Variants in SLC31A2 observed in about 807,000 individuals in gnomAD.
SLC31A2 encodes the protein protein SLC31A2.
SLC31A2 carries 16 observed loss-of-function variants against 14.4 expected under a neutral mutation model. The observed-to-expected ratio is 1.11, with a 90% CI of 0.75 to 1.69. The LOEUF is 1.69. Ranked by LOEUF, SLC31A2 falls within the 40% of genes most tolerant of loss-of-function variation. SLC31A2 has a pLI of 0.00. For synonymous variants in SLC31A2, 56 were observed against 68.7 expected (o/e 0.82, Z 0.91); for missense variants, 140 against 173.9 (o/e 0.81, Z 1.10).
chr9:113,161,729 A>T, intron 3 of SLC31A2, 31 bp downstream of exon 3: 1 of 1,608,706 alleles, frequency 6.2e-7, no homozygotes, highest in Non-Finnish European at 8.5e-7. Context: ...AAAGGGGCAG[A>T]AGCCTCACAT....
At chr9:113,155,786 AG>A (rs1462511601) in intron 1 of SLC31A2, among the ~76,000 whole-genome samples, 4 of 145,490 alleles carry the variant, frequency 2.7e-5, no homozygotes, top group Non-Finnish European at 6.1e-5. Flanking sequence ...TGGGAAAAAA[AG>A]GCACTGGGGT....
intron 3 of SLC31A2, chr9:113,162,510 G>T: frequency 2.7e-6 from 1 of 372,508 alleles, no homozygotes; most frequent in Non-Finnish European, 4.8e-6. Context: ...CCTTTGCCTA[G>T]GATGCCAGGA....
Position 113,162,548 on chromosome 9 carries a change from T to G in SLC31A2, c.264-201T>G, listed in dbSNP as rs899311097. 6 of 472,296 alleles carry G rather than the reference T, an allele frequency of 1.3e-5. No individual in the cohort carries two copies. The Admixed American group carries it at 1.6e-4, about 13-fold the overall frequency. 29.3% of individuals were successfully genotyped at this position (472,296 alleles called of 1,614,324 possible). On this transcript the variant is annotated intron_variant, in intron 3 of 3. Coordinates refer to ENST00000259392, the MANE Select transcript of SLC31A2 (RefSeq NM_001860.3). Reference sequence around the variant, plus strand: ...CTTGAAACCAAATGTAGTGAAGATATGTCTCTTTAAAAATAAATCTCGAGT... The same window carrying G: ...CTTGAAACCAAATGTAGTGAAGATAGGTCTCTTTAAAAATAAATCTCGAGT...
chr9:113,162,750 T>G lies in SLC31A2; in HGVS notation c.265T>G (p.Trp89Gly), dbSNP rs940959702. The G allele has an allele frequency of 1.2e-6, 2 of 1,610,504 alleles. No individual in the cohort carries two copies. Among genetic ancestry groups the G allele is most frequent in the Non-Finnish European group, 1.7e-6 (2 of 1,178,080 alleles). Residue 89 changes from tryptophan (W) to glycine (G), a missense_variant and splice_region_variant, in exon 4 of 4, where the codon TGG becomes GGG. Coordinates refer to ENST00000259392, the MANE Select transcript of SLC31A2 (RefSeq NM_001860.3). ...AACTTGCTTCTCCTTTTTATCTAGG[T>G]GGTATTTGTGTCACTTTGGCCAGTC... ...SFPVGRTHHR[W>G]YLCHFGQSLI...
At position 113,163,280 on chromosome 9, in the gene SLC31A2, G is replaced by T. The variant is rs1337991785; in HGVS notation, c.*363G>T. On this transcript the variant is annotated 3_prime_UTR_variant, in exon 4 of 4. Coordinates refer to ENST00000259392, the MANE Select transcript of SLC31A2 (RefSeq NM_001860.3). ...GCCAGGGAGAAGGGTTCTTGGTGAT[G>T]CAGGGCATGGAACCTGGACACCCTC... 1 of 163,856 alleles carries T rather than the reference G, an allele frequency of 6.1e-6. No individual in the cohort carries two copies. The highest frequency in any genetic ancestry group is 2.4e-5 in the African/African-American group (1 of 41,828). The allele number at this position is 163,856 out of a possible 1,614,324, so 10.2% of individuals were successfully genotyped here.
intron 1 of SLC31A2, among the ~76,000 whole-genome samples, chr9:113,154,697 T>C (rs1210177011): frequency 1.3e-5 from 2 of 152,216 alleles, no homozygotes; most frequent in Non-Finnish European, 2.9e-5. Context: ...CGGGACTGAC[T>C]CTGCCTCTGT....
chr9:113,157,882 C>A, intron 2 of SLC31A2, 89 bp downstream of exon 2: 1 of 969,404 alleles, frequency 1.0e-6, no homozygotes, highest in Non-Finnish European at 1.6e-6. Flanking sequence ...TCTCTGTGGG[C>A]ATTTAAGTGA....
At chr9:113,158,828 G>A (rs1313688907) in intron 2 of SLC31A2, among the ~76,000 whole-genome samples, 1 of 152,120 alleles carries the variant, frequency 6.6e-6, no homozygotes, top group African/African-American at 2.4e-5. Context: ...AAAGGAGAGG[G>A]AACAAACATG....
chr9:113,152,278 G>T (rs1420685211), intron 1 of SLC31A2: 2 of 152,290 alleles, frequency 1.3e-5, no homozygotes, highest in Non-Finnish European at 2.9e-5. Flanking sequence ...AAACAAGATT[G>T]GGGCCCTGCC....
At position 113,151,412 on chromosome 9, in the gene SLC31A2, G is replaced by A. The variant is rs1239357200; in HGVS notation, c.6+332G>A. On this transcript the variant is annotated intron_variant, in intron 1 of 3. Coordinates refer to ENST00000259392, the MANE Select transcript of SLC31A2 (RefSeq NM_001860.3). The surrounding 1 kb of genome is among the most constrained non-coding windows in gnomAD (Gnocchi z 4.2). Reference sequence around the variant, plus strand: ...GGCCCCCGGCCCCGGACCTCTGGCCGGCGCCCCAGGGCGGAGAGCAGCGCC... The same window carrying A: ...GGCCCCCGGCCCCGGACCTCTGGCCAGCGCCCCAGGGCGGAGAGCAGCGCC... Among the ~76,000 whole-genome samples, 5 of 151,882 alleles carry A rather than the reference G, an allele frequency of 3.3e-5. No homozygotes were observed. In the South Asian group the frequency reaches 6.3e-4, roughly 19 times the overall value.
Position 113,151,340 on chromosome 9 carries a change from C to T in SLC31A2, c.6+260C>T, listed in dbSNP as rs1187976127. On this transcript the variant is annotated intron_variant, in intron 1 of 3. Coordinates refer to ENST00000259392, the MANE Select transcript of SLC31A2 (RefSeq NM_001860.3). The surrounding 1 kb of genome is among the most constrained non-coding windows in gnomAD (Gnocchi z 4.2). ...AGCAGTTACCGAGCGCCCGCGGTGG[C>T]GCGGCTTGAGAGTGGGGGCGCGGTG... is the stretch of plus-strand genomic sequence containing the variant. 1.3e-5 allele frequency among the ~76,000 whole-genome samples: 2 copies of T among 151,634 alleles called. No homozygotes were observed. Among genetic ancestry groups the T allele is most frequent in the South Asian group, 2.1e-4 (1 of 4,710 alleles).
rs1166090439 is a variant in SLC31A2, at chr9:113,164,052, C to T, written c.*1135C>T. On this transcript the variant is annotated 3_prime_UTR_variant, in exon 4 of 4. Coordinates refer to ENST00000259392, the MANE Select transcript of SLC31A2 (RefSeq NM_001860.3). ...GAAAATCACTGCTGTATACTAAATA[C>T]CTCACAGATTAGATGAAAAGATGGT... is the stretch of plus-strand genomic sequence containing the variant. The T allele has an allele frequency of 6.6e-6, 1 of 152,584 alleles. No homozygotes were observed. The highest frequency in any genetic ancestry group is 1.5e-5 in the Non-Finnish European group (1 of 68,040). The allele number at this position is 152,584 out of a possible 1,614,324, so 9.5% of individuals were successfully genotyped here.
In SLC31A2 at chr9:113,151,032, G is replaced by A. The variant is rs774214615; in HGVS notation, c.-43G>A. 2 of 1,299,348 alleles carry A rather than the reference G, an allele frequency of 1.5e-6. No homozygotes were observed. Among genetic ancestry groups the A allele is most frequent in the Admixed American group, 3.6e-5 (1 of 27,642 alleles). The allele number at this position is 1,299,348 out of a possible 1,614,324, so 80.5% of individuals were successfully genotyped here. A position where few individuals can be genotyped will look rare whatever the true frequency, so the allele number is the denominator to read the frequency against. ...GAACTGACTCGGAGCGAGGAGACCCGAGCGAGCAGACGCGGCCCTGGCGCC... is the reference window on the plus strand; with the variant it reads ...GAACTGACTCGGAGCGAGGAGACCCAAGCGAGCAGACGCGGCCCTGGCGCC... On this transcript the variant is annotated 5_prime_UTR_variant, in exon 1 of 4. Coordinates refer to ENST00000259392, the MANE Select transcript of SLC31A2 (RefSeq NM_001860.3). The surrounding 1 kb of genome is among the most constrained non-coding windows in gnomAD (Gnocchi z 4.2).
intron 2 of SLC31A2, 64 bp from the exon 3 acceptor site, chr9:113,161,445 G>C (rs576055937): frequency 2.4e-5 from 34 of 1,429,328 alleles, no homozygotes; most frequent in Non-Finnish European, 3.2e-5. Flanking sequence ...TGAACAGGTG[G>C]AGGTGCTGGA....
Position 113,163,646 on chromosome 9 carries a change from T to A in SLC31A2, c.*729T>A, listed in dbSNP as rs1358195641. 1.3e-5 allele frequency: 2 copies of A among 151,708 alleles called. No homozygotes were observed. The highest frequency in any genetic ancestry group is 3.0e-5 in the Non-Finnish European group (2 of 67,748). 9.4% of individuals were successfully genotyped at this position (151,708 alleles called of 1,614,324 possible). ...ATTAAAGGCAGAGACACAGGACTGC[T>A]TTCAGGCTCCTGGTTTATTCTCTGA... On this transcript the variant is annotated 3_prime_UTR_variant, in exon 4 of 4. Transcript: ENST00000259392.
At chr9:113,158,317 A>G (rs1313992585) in intron 2 of SLC31A2, among the ~76,000 whole-genome samples, 3 of 152,258 alleles carry the variant, frequency 2.0e-5, no homozygotes, top group Admixed American at 6.5e-5. Flanking sequence ...ACTGCATCTT[A>G]AAAAGAGACT....
Position 113,156,182 on chromosome 9 carries a change from G to A in SLC31A2, c.7-1545G>A, listed in dbSNP as rs748973106. The A allele has an allele frequency of 7.8e-6, 4 of 515,548 alleles. No individual in the cohort carries two copies. The East Asian group carries it at 2.2e-4, about 28-fold the overall frequency. 31.9% of individuals were successfully genotyped at this position (515,548 alleles called of 1,614,324 possible). On this transcript the variant is annotated intron_variant, in intron 1 of 3. Coordinates refer to ENST00000259392, the MANE Select transcript of SLC31A2 (RefSeq NM_001860.3). The stretch of plus-strand genomic sequence containing the variant: ...CCGGAACTCCTTTTCTGTAAGAACT[G>A]ATGGCCCCCACAGCCTTCACAAGTA...
chr9:113,151,086 G>A lies in SLC31A2; in HGVS notation c.6+6G>A. On this transcript the variant is annotated splice_donor_region_variant and intron_variant, in intron 1 of 3. Coordinates refer to ENST00000259392, the MANE Select transcript of SLC31A2 (RefSeq NM_001860.3). This position sits in a 1 kb window ranked among gnomAD's most constrained non-coding sequence, Gnocchi z 4.2. ...CCTGCGCACTCACCATGGCGGTAAGGGCCGGGCGCTACGGTGAAGAGGGTG... is the reference window on the plus strand; with the variant it reads ...CCTGCGCACTCACCATGGCGGTAAGAGCCGGGCGCTACGGTGAAGAGGGTG... The A allele has an allele frequency of 1.5e-6, 2 of 1,308,608 alleles. No homozygotes were observed. Among genetic ancestry groups the A allele is most frequent in the South Asian group, 2.9e-5 (1 of 34,276 alleles). The allele number at this position is 1,308,608 out of a possible 1,614,324, so 81.1% of individuals were successfully genotyped here. A position where few individuals can be genotyped will look rare whatever the true frequency, so the allele number is the denominator to read the frequency against.
intron 3 of SLC31A2, 133 bp downstream of exon 3, chr9:113,161,831 T>A: frequency 1.0e-6 from 1 of 969,500 alleles, no homozygotes; most frequent in Non-Finnish European, 1.6e-6. Context: ...CTTGCCAAAG[T>A]GGCTACACAT....
Sources: allele counts gnomAD v4.1 joint callset (sites outside exome capture counted in the v4.1 genomes callset), GRCh38; gene constraint gnomAD v4.1.1; non-coding constraint Gnocchi (gnomAD v3.1); transcripts MANE v1.5; gene names NCBI Gene and HGNC (gene_info 2026-07-23, HGNC 2026-07-21).